Variants in RHOU observed in about 807,000 individuals in gnomAD.
RHOU encodes ras homolog family member U.
A neutral mutation model predicts 12.6 loss-of-function variants in RHOU; 8 were observed. The observed-to-expected ratio is 0.64, with a 90% CI of 0.37 to 1.15. RHOU has a LOEUF of 1.15. Ranked by LOEUF, RHOU falls within the 50% of genes most tolerant of loss-of-function variation. The probability of loss-of-function intolerance (pLI) is 0.01; values close to 1 mark genes in which losing one functional copy is unlikely to be tolerated. For synonymous variants in RHOU, 161 were observed against 147.4 expected (o/e 1.09, Z -0.67); for missense variants, 258 against 347.0 (o/e 0.74, Z 2.04).
the RHOU span, among the ~76,000 whole-genome samples, chr1:228,722,935 T>C: frequency 5.8e-4 from 89 of 152,322 alleles, no homozygotes; most frequent in East Asian, 8.9e-3. Flanking sequence ...CCTTCTCTTA[T>C]ACATGTAAAC....
the RHOU span, among the ~76,000 whole-genome samples, chr1:228,722,024 C>A: frequency 6.6e-6 from 1 of 152,184 alleles, no homozygotes; most frequent in African/African-American, 2.4e-5. Context: ...CGAAACAATT[C>A]TTTGGCAAAT....
At chr1:228,650,058 C>T in the RHOU span, 69,169 of 395,830 alleles carry the variant, frequency 0.17, 6,641 homozygotes, top group East Asian at 0.33. Flanking sequence ...TGACTTTTCT[C>T]TAAAGGCATC....
the RHOU span, chr1:228,650,787 G>T: frequency 2.3e-6 from 1 of 428,946 alleles, no homozygotes; most frequent in Non-Finnish European, 4.6e-6. Flanking sequence ...CTCTACCTTG[G>T]AGGTGCCTAC....
chr1:228,668,722 T>C, the RHOU span, among the ~76,000 whole-genome samples: 1 of 152,228 alleles, frequency 6.6e-6, no homozygotes. Context: ...CAGCTGTGTC[T>C]GGCTGCTCGC....
the RHOU span, among the ~76,000 whole-genome samples, chr1:228,682,989 C>T: frequency 6.6e-6 from 1 of 152,030 alleles, no homozygotes; most frequent in African/African-American, 2.4e-5. Flanking sequence ...CCCCATGAGC[C>T]CCATACTGTA....
the RHOU span, among the ~76,000 whole-genome samples, chr1:228,692,555 T>C: frequency 1.4e-5 from 2 of 140,064 alleles, no homozygotes; most frequent in African/African-American, 3.2e-5. Flanking sequence ...CAGATGCTAC[T>C]TTTCTGTTTT....
Position 228,743,846 on chromosome 1 carries a change from GTGTA to G in RHOU, c.*108_*111del, listed in dbSNP as rs1289734814. The G allele has an allele frequency of 7.5e-6, 7 of 935,832 alleles. No individual in the cohort carries two copies. In the African/African-American group the frequency reaches 1.2e-4, roughly 16 times the overall value. The allele number at this position is 935,832 out of a possible 1,614,324, so 58.0% of individuals were successfully genotyped here. On this transcript the variant is annotated 3_prime_UTR_variant, in exon 3 of 3. Coordinates refer to ENST00000366691, the MANE Select transcript of RHOU (RefSeq NM_021205.6). This position sits in a 1 kb window ranked among gnomAD's most constrained non-coding sequence, Gnocchi z 5.1. ...TGCGTAGAACCTATATCGAGAGTGT[GTGTA>G]TATGTATTATAGGAGGAGCTCTCAA...
chr1:228,729,972 T>C, the RHOU span, among the ~76,000 whole-genome samples: 1 of 152,220 alleles, frequency 6.6e-6, no homozygotes, highest in Non-Finnish European at 1.5e-5. Context: ...TTGTGATTCC[T>C]GAAAGGAGCC....
At position 228,743,669 on chromosome 1, in the gene RHOU, A is replaced by G. The variant is rs1300754187; in HGVS notation, c.706A>G (p.Lys236Glu). The change falls in exon 3 of 3, where the codon AAA becomes GAA. Residue 236 changes from lysine to glutamate, a missense_variant. Physicochemically the swap from Lys to Glu is moderately conservative, Grantham distance 56. Transcript: ENST00000366691. The surrounding 1 kb of genome is among the most constrained non-coding windows in gnomAD (Gnocchi z 5.1). ...SDTQQQPKKS[K>E]SRTPDKMKNL... ...CACTCAGCAACAGCCAAAGAAGTCT[A>G]AAAGCAGGACTCCAGATAAAATGAA... 1.9e-6 allele frequency: 3 copies of G among 1,614,202 alleles called. No individual in the cohort carries two copies. In the South Asian group the frequency reaches 3.3e-5, roughly 18 times the overall value.
chr1:228,728,946 A>AG, the RHOU span, among the ~76,000 whole-genome samples: 1 of 149,112 alleles, frequency 6.7e-6, no homozygotes, highest in African/African-American at 2.5e-5. Flanking sequence ...CCCAGGCTGG[A>AG]GTGCAGTGGC....
the RHOU span, among the ~76,000 whole-genome samples, chr1:228,695,095 A>T: frequency 6.6e-6 from 1 of 152,036 alleles, no homozygotes; most frequent in Non-Finnish European, 1.5e-5. Flanking sequence ...TCAGCCTCCC[A>T]TGTAGCTGAA....
chr1:228,739,106 G>T (rs1210861308), intron 2 of RHOU, among the ~76,000 whole-genome samples: 2 of 152,086 alleles, frequency 1.3e-5, no homozygotes, highest in African/African-American at 4.8e-5. Context: ...GGGCGACAGA[G>T]CAAGATCCCA....
the RHOU span, among the ~76,000 whole-genome samples, chr1:228,684,733 A>G: frequency 1.3e-5 from 2 of 152,170 alleles, no homozygotes; most frequent in African/African-American, 4.8e-5. Context: ...GGCTCTGGTA[A>G]TAGAGTAGTT....
chr1:228,647,469 T>A, the RHOU span, among the ~76,000 whole-genome samples: 759 of 152,314 alleles, frequency 5.0e-3, 23 homozygotes, highest in Admixed American at 0.042. Context: ...ACTGTTTTCC[T>A]GGTGGTTGGC....
the RHOU span, among the ~76,000 whole-genome samples, chr1:228,649,446 C>T: frequency 6.6e-6 from 1 of 152,078 alleles, no homozygotes; most frequent in Non-Finnish European, 1.5e-5. Flanking sequence ...ATCTGTGGTT[C>T]CTGTTGCTTG....
At chr1:228,719,729 TAAAAC>T in the RHOU span, among the ~76,000 whole-genome samples, 10 of 151,970 alleles carry the variant, frequency 6.6e-5, no homozygotes, top group Non-Finnish European at 1.2e-4. Context: ...GACTCTGTCT[TAAAAC>T]AAAACAAAAA....
the RHOU span, among the ~76,000 whole-genome samples, chr1:228,699,085 G>A: frequency 5.6e-5 from 8 of 142,682 alleles, no homozygotes; most frequent in Non-Finnish European, 1.1e-4. Context: ...GCTATGAAAA[G>A]TTTTTTTTTT....
chr1:228,690,514 G>A, the RHOU span, among the ~76,000 whole-genome samples: 7 of 152,122 alleles, frequency 4.6e-5, no homozygotes, highest in Non-Finnish European at 2.9e-5. Context: ...TAGTAGAGAC[G>A]GGGTTTCTCC....
chr1:228,668,112 C>T, the RHOU span, among the ~76,000 whole-genome samples: 1 of 152,162 alleles, frequency 6.6e-6, no homozygotes, highest in African/African-American at 2.4e-5. Flanking sequence ...CTCCATAAGA[C>T]CCCAAAGCAA....
Sources: allele counts gnomAD v4.1 joint callset (sites outside exome capture counted in the v4.1 genomes callset), GRCh38; gene constraint gnomAD v4.1.1; non-coding constraint Gnocchi (gnomAD v3.1); transcripts MANE v1.5; gene names NCBI Gene and HGNC (gene_info 2026-07-23, HGNC 2026-07-21).